The following KAZN variants were observed in gnomAD, a reference collection of about 807,000 sequenced individuals.
The protein encoded by KAZN is kazrin, periplakin interacting protein.
Under a neutral mutation model 87.4 loss-of-function variants are expected in KAZN, and 40 were observed. The ratio of observed to expected loss-of-function variants is 0.46; its 90% confidence interval spans 0.36 to 0.60. The LOEUF is 0.60. KAZN is among the 20% of genes least tolerant of loss of function. KAZN has a pLI of 0.00. For synonymous variants in KAZN, 466 were observed against 458.3 expected, an observed-to-expected ratio of 1.02 and a Z score of -0.22; for missense variants, 898 against 1,073.9, an observed-to-expected ratio of 0.84 and a Z score of 2.29.
At chr1:14,866,897 G>A (rs1267608520) in intron 1 of KAZN, among the ~76,000 whole-genome samples, 1 of 152,228 alleles carries the variant, frequency 6.6e-6, no homozygotes, top group Non-Finnish European at 1.5e-5. Context: ...GAGCTGTGGG[G>A]AGACCCTGGT....
intron 1 of KAZN, among the ~76,000 whole-genome samples, chr1:14,029,960 T>C (rs1270773060): frequency 1.3e-5 from 2 of 152,238 alleles, no homozygotes; most frequent in Non-Finnish European, 2.9e-5. Context: ...CAATGCAGGC[T>C]CTTTTTTGGT....
chr1:14,510,750 T>C (rs1670858339), intron 2 of KAZN, among the ~76,000 whole-genome samples: 1 of 152,156 alleles, frequency 6.6e-6, no homozygotes, highest in African/African-American at 2.4e-5. Context: ...CAAAGGATGA[T>C]GATGGCTTGG....
intron 1 of KAZN, among the ~76,000 whole-genome samples, chr1:14,921,806 G>A (rs1441646280): frequency 2.6e-5 from 4 of 152,218 alleles, no homozygotes; most frequent in Non-Finnish European, 5.9e-5. Flanking sequence ...CCCCCTCCTA[G>A]GTTCAAGTGA....
At chr1:14,650,024 C>T (rs1638253102) in intron 1 of KAZN, among the ~76,000 whole-genome samples, 1 of 140,462 alleles carries the variant, frequency 7.1e-6, no homozygotes, top group African/African-American at 2.6e-5. Context: ...CTTTCCCCCT[C>T]CACCCATCTT....
chr1:14,517,529 A>G (rs1671360720), intron 2 of KAZN, among the ~76,000 whole-genome samples: 2 of 152,228 alleles, frequency 1.3e-5, no homozygotes, highest in South Asian at 2.1e-4. Flanking sequence ...CAAACTGACA[A>G]TAAGAAGCCT....
At chr1:14,811,564 C>T (rs6681120) in intron 1 of KAZN, among the ~76,000 whole-genome samples, 41,113 of 152,130 alleles carry the variant, frequency 0.27, 5,891 homozygotes, top group African/African-American at 0.36. Flanking sequence ...CTTTACAGTT[C>T]GCAAAGATTT....
At chr1:13,981,089 T>TCTCTCTCTCTC (rs1553181094) in intron 1 of KAZN, among the ~76,000 whole-genome samples, 2 of 63,134 alleles carry the variant, frequency 3.2e-5, no homozygotes, top group African/African-American at 1.2e-4. Flanking sequence ...AAATTACTCT[T>TCTCTCTCTCTC]TATATATATA....
chr1:14,504,684 CTTTGAA>C (rs1295509521), intron 2 of KAZN, among the ~76,000 whole-genome samples: 1 of 152,144 alleles, frequency 6.6e-6, no homozygotes, highest in Non-Finnish European at 1.5e-5. Context: ...CCAGTCAAAG[CTTTGAA>C]TTAACATAAT....
At chr1:14,671,806 G>A (rs958848804) in intron 1 of KAZN, among the ~76,000 whole-genome samples, 7 of 152,034 alleles carry the variant, frequency 4.6e-5, no homozygotes, top group South Asian at 2.1e-4. Flanking sequence ...TTCTTGCCCC[G>A]TATTTTTTGA....
chr1:14,862,955 C>G (rs1651037194), intron 1 of KAZN, among the ~76,000 whole-genome samples: 2 of 152,176 alleles, frequency 1.3e-5, no homozygotes, highest in Admixed American at 6.5e-5. Context: ...ACAGATGAGG[C>G]AAGAGAAGTT....
intron 1 of KAZN, among the ~76,000 whole-genome samples, chr1:13,968,678 C>T (rs1414223554): frequency 1.3e-5 from 2 of 152,212 alleles, no homozygotes; most frequent in Non-Finnish European, 2.9e-5. Flanking sequence ...CAGCATCAGA[C>T]CTCTTTGAAA....
At chr1:14,066,591 C>A (rs962935620) in intron 1 of KAZN, among the ~76,000 whole-genome samples, 3 of 152,098 alleles carry the variant, frequency 2.0e-5, no homozygotes, top group African/African-American at 7.2e-5. Flanking sequence ...CCAGAGAAAA[C>A]CCTCAGTTGT....
intron 2 of KAZN, among the ~76,000 whole-genome samples, chr1:14,442,249 G>A (rs1399386306): frequency 6.6e-6 from 1 of 152,206 alleles, no homozygotes; most frequent in Admixed American, 6.5e-5. Flanking sequence ...TTTGGATTGC[G>A]GCTTTGGCAA....
At chr1:14,306,586 A>G (rs1317266508) in intron 2 of KAZN, among the ~76,000 whole-genome samples, 1 of 152,214 alleles carries the variant, frequency 6.6e-6, no homozygotes. Context: ...TGTGAAAGTC[A>G]GCAGTGCTGG....
chr1:13,982,474 AG>A (rs1638778208), intron 1 of KAZN, among the ~76,000 whole-genome samples: 1 of 152,228 alleles, frequency 6.6e-6, no homozygotes, highest in Non-Finnish European at 1.5e-5. Flanking sequence ...GTGGACCCAA[AG>A]AGTGAGCAGT....
At chr1:14,087,160 T>C (rs578061669) in intron 1 of KAZN, among the ~76,000 whole-genome samples, 1 of 152,308 alleles carries the variant, frequency 6.6e-6, no homozygotes, top group South Asian at 2.1e-4. Context: ...TAGGTTGTTT[T>C]AAGTTTTCTC....
intron 1 of KAZN, among the ~76,000 whole-genome samples, chr1:14,164,769 C>A (rs1570914727): frequency 6.6e-6 from 1 of 151,958 alleles, no homozygotes; most frequent in Non-Finnish European, 1.5e-5. Flanking sequence ...CAAATCCTAA[C>A]CTCAGGTGAT....
chr1:14,044,754 G>A (rs1313668373), intron 1 of KAZN, among the ~76,000 whole-genome samples: 1 of 152,186 alleles, frequency 6.6e-6, no homozygotes, highest in Non-Finnish European at 1.5e-5. Context: ...ATGGAGTAAG[G>A]ATACCTGCAA....
chr1:15,090,224 C>A (rs368089475), intron 8 of KAZN, among the ~76,000 whole-genome samples: 1 of 152,204 alleles, frequency 6.6e-6, no homozygotes. Context: ...TGACAGGGGC[C>A]GTGTCTTGGA....
Sources: gnomAD v4.1 joint callset for allele counts (sites outside exome capture counted in the v4.1 genomes callset) on GRCh38, gnomAD v4.1.1 for gene constraint, MANE v1.5 for transcripts, NCBI Gene and HGNC (gene_info 2026-07-23, HGNC 2026-07-21) for gene names.